CADM2: variants seen among roughly 807,000 people sequenced by gnomAD.
CADM2 encodes the protein immunoglobulin superfamily member 4D.
Under a neutral mutation model 49.8 loss-of-function variants are expected in CADM2, and 12 were observed. That is an observed-to-expected ratio of 0.24 (90% CI 0.15 to 0.39). CADM2 has a LOEUF of 0.39. Among genes scored for constraint, CADM2 ranks in the 10% least tolerant of loss-of-function variants. The probability of loss-of-function intolerance (pLI) is 1.00; values close to 1 mark genes in which losing one functional copy is unlikely to be tolerated. For missense variants in CADM2, 378 were observed against 492.3 expected (o/e 0.77, Z 2.20); for synonymous variants, 214 against 175.4 (o/e 1.22, Z -1.74).
intron 2 of CADM2, among the ~76,000 whole-genome samples, chr3:85,763,391 A>G (rs1028787054): frequency 6.6e-5 from 10 of 152,116 alleles, no homozygotes; most frequent in African/African-American, 1.9e-4. Flanking sequence ...CACTTTACTG[A>G]TATATTCAGA....
At chr3:84,987,966 G>A (rs543320303) in intron 1 of CADM2, among the ~76,000 whole-genome samples, 1 of 152,120 alleles carries the variant, frequency 6.6e-6, no homozygotes, top group East Asian at 1.9e-4. Context: ...CCTCGTATAG[G>A]GGGTGGAAGG....
At chr3:85,367,076 A>G (rs2032840052) in intron 1 of CADM2, among the ~76,000 whole-genome samples, 1 of 152,018 alleles carries the variant, frequency 6.6e-6, no homozygotes, top group East Asian at 1.9e-4. Context: ...CATACCATAA[A>G]TTGATGTGTC....
Position 85,854,072 on chromosome 3 carries a change from G to C in CADM2, c.239-29219G>C, listed in dbSNP as rs140187225. Reference sequence around the variant, plus strand: ...AGAACTCCCTCTTTTCCAGGATATAGTAAGACATGATGTTATTTTATAGAT... The same window carrying C: ...AGAACTCCCTCTTTTCCAGGATATACTAAGACATGATGTTATTTTATAGAT... On this transcript the variant is annotated intron_variant, in intron 3 of 9. Coordinates refer to ENST00000383699, the MANE Select transcript of CADM2 (RefSeq NM_001167675.2). 4.0e-3 allele frequency among the ~76,000 whole-genome samples: 615 copies of C among 152,080 alleles called. 3 individuals carry two copies. The highest frequency in any genetic ancestry group is 5.2e-3 in the Non-Finnish European group (353 of 67,958).
chr3:85,412,715 AT>A (rs1041026790), intron 1 of CADM2, among the ~76,000 whole-genome samples: 6 of 152,184 alleles, frequency 3.9e-5, no homozygotes, highest in Non-Finnish European at 8.8e-5. Flanking sequence ...ATAATGCACA[AT>A]TTTAAAAATG....
At chr3:85,343,880 A>C (rs2030232761) in intron 1 of CADM2, among the ~76,000 whole-genome samples, 1 of 152,148 alleles carries the variant, frequency 6.6e-6, no homozygotes, top group Admixed American at 6.6e-5. Context: ...TCAGTGTTTC[A>C]TTTAATTAAA....
At chr3:85,887,161 C>G (rs1353102348) in intron 5 of CADM2, among the ~76,000 whole-genome samples, 1 of 151,172 alleles carries the variant, frequency 6.6e-6, no homozygotes, top group East Asian at 2.0e-4. Flanking sequence ...GATCATAGCT[C>G]ACTGTACCTC....
At chr3:85,220,269 T>G (rs2042016323) in intron 1 of CADM2, among the ~76,000 whole-genome samples, 1 of 152,126 alleles carries the variant, frequency 6.6e-6, no homozygotes, top group Non-Finnish European at 1.5e-5. Context: ...AAGTGCCAAT[T>G]AATTCCAATT....
At chr3:85,682,830 G>A (rs2066077255) in intron 1 of CADM2, among the ~76,000 whole-genome samples, 1 of 151,870 alleles carries the variant, frequency 6.6e-6, no homozygotes, top group Non-Finnish European at 1.5e-5. Flanking sequence ...GTTTCAGGGG[G>A]ACTATATAAT....
intron 1 of CADM2, among the ~76,000 whole-genome samples, chr3:85,024,320 A>C (rs2034631102): frequency 6.6e-6 from 1 of 152,134 alleles, no homozygotes; most frequent in South Asian, 2.1e-4. Context: ...TATAGACAGA[A>C]AAGGGAAGCT....
chr3:85,153,519 C>T (rs1344337790), intron 1 of CADM2, among the ~76,000 whole-genome samples: 3 of 152,194 alleles, frequency 2.0e-5, no homozygotes, highest in Non-Finnish European at 4.4e-5. Context: ...GGGAGGGGCG[C>T]CCGCCATTGC....
chr3:85,603,599 C>A (rs1408983761), intron 1 of CADM2, among the ~76,000 whole-genome samples: 1 of 151,782 alleles, frequency 6.6e-6, no homozygotes, highest in African/African-American at 2.4e-5. Flanking sequence ...TAGTCCCTAA[C>A]CTGTTTTCAC....
At chr3:85,606,779 T>C (rs920872167) in intron 1 of CADM2, among the ~76,000 whole-genome samples, 3 of 152,086 alleles carry the variant, frequency 2.0e-5, no homozygotes, top group Non-Finnish European at 4.4e-5. Flanking sequence ...TGGAAGAATA[T>C]ATAAAATATC....
At chr3:85,419,683 T>C (rs1473196180) in intron 1 of CADM2, among the ~76,000 whole-genome samples, 1 of 152,152 alleles carries the variant, frequency 6.6e-6, no homozygotes, top group Non-Finnish European at 1.5e-5. Flanking sequence ...CACCTAGATT[T>C]TTTTCCTTAT....
At chr3:85,528,863 A>G (rs1477130888) in intron 1 of CADM2, among the ~76,000 whole-genome samples, 5 of 152,214 alleles carry the variant, frequency 3.3e-5, no homozygotes, top group Non-Finnish European at 1.5e-5. Context: ...AATGAAATAA[A>G]CAAAAACCAA....
chr3:85,913,179 G>A (rs1717852407), intron 6 of CADM2, among the ~76,000 whole-genome samples: 1 of 152,066 alleles, frequency 6.6e-6, no homozygotes, highest in Non-Finnish European at 1.5e-5. Context: ...ATACACACAA[G>A]GATTCTGAAG....
At chr3:85,556,571 G>A (rs2061964539) in intron 1 of CADM2, among the ~76,000 whole-genome samples, 1 of 152,246 alleles carries the variant, frequency 6.6e-6, no homozygotes, top group South Asian at 2.1e-4. Context: ...TGCAATGACA[G>A]CAGTCGTTAT....
At chr3:85,400,802 G>C (rs1433896922) in intron 1 of CADM2, among the ~76,000 whole-genome samples, 2 of 152,142 alleles carry the variant, frequency 1.3e-5, no homozygotes, top group Non-Finnish European at 2.9e-5. Flanking sequence ...TTTCCTTGGA[G>C]CAGTGAGTCC....
intron 5 of CADM2, among the ~76,000 whole-genome samples, chr3:85,909,015 C>T (rs964044309): frequency 4.6e-5 from 7 of 152,030 alleles, no homozygotes; most frequent in East Asian, 1.9e-4. Context: ...TGAGCCACCA[C>T]GCCCGGCCTA....
At chr3:85,273,906 C>G (rs1212005982) in intron 1 of CADM2, among the ~76,000 whole-genome samples, 2 of 151,404 alleles carry the variant, frequency 1.3e-5, no homozygotes, top group Admixed American at 1.3e-4. Context: ...CTTGGACATT[C>G]TAATGTTTAC....
Sources: gnomAD v4.1 joint callset for allele counts (sites outside exome capture counted in the v4.1 genomes callset) on GRCh38, gnomAD v4.1.1 for gene constraint, MANE v1.5 for transcripts, NCBI Gene and HGNC (gene_info 2026-07-23, HGNC 2026-07-21) for gene names.